The following KTN1 variants were observed in gnomAD, a reference collection of about 807,000 sequenced individuals.
KTN1 encodes the protein kinectin 1.
A neutral mutation model predicts 222.5 loss-of-function variants in KTN1; 130 were observed. The observed-to-expected ratio is 0.58, with a 90% CI of 0.51 to 0.68. KTN1 has a LOEUF of 0.68. KTN1 is among the 30% of genes least tolerant of loss of function. The probability of loss-of-function intolerance (pLI) is 0.00; values close to 1 mark genes in which losing one functional copy is unlikely to be tolerated. For missense variants in KTN1, 1,508 were observed against 1,500.4 expected, an observed-to-expected ratio of 1.01 and a Z score of -0.08; for synonymous variants, 512 against 496.3, an observed-to-expected ratio of 1.03 and a Z score of -0.42.
chr14:55,671,706 T>C (rs752320838), intron 36 of KTN1, 51 bp downstream of exon 36: 2 of 1,539,076 alleles, frequency 1.3e-6, no homozygotes, highest in East Asian at 2.2e-5. Flanking sequence ...AATCATTACC[T>C]TCTTCCTTCA....
At chr14:55,593,215 T>G (rs909965492) in intron 1 of KTN1, among the ~76,000 whole-genome samples, 7 of 152,178 alleles carry the variant, frequency 4.6e-5, no homozygotes, top group African/African-American at 1.7e-4. Flanking sequence ...CTTTAACATG[T>G]TCAAATTTAA....
chr14:55,653,409 T>C lies in KTN1; in HGVS notation c.2764-150T>C. 6.5e-6 allele frequency: 4 copies of C among 611,190 alleles called. No homozygotes were observed. In the South Asian group the frequency reaches 9.7e-5, roughly 15 times the overall value. The allele number at this position is 611,190 out of a possible 1,614,324, so 37.9% of individuals were successfully genotyped here. ...AAAAATTGTTTAATAAAACTCATTC[T>C]GTCCTTGCTTTATAAATGACCCAAT... On this transcript the variant is annotated intron_variant, in intron 27 of 43. Transcript: ENST00000395314.
At chr14:55,611,835 A>G (rs569252224) in intron 1 of KTN1, 184 bp from the exon 2 acceptor site, 10 of 313,758 alleles carry the variant, frequency 3.2e-5, no homozygotes, top group Middle Eastern at 8.4e-4. Context: ...CTTATTTTTC[A>G]TAGTATATAT....
intron 1 of KTN1, among the ~76,000 whole-genome samples, chr14:55,581,064 G>T (rs906344104): frequency 2.6e-5 from 4 of 152,240 alleles, no homozygotes; most frequent in Non-Finnish European, 4.4e-5. Context: ...GTGTCCTAGC[G>T]ATTCGGCCTG....
Position 55,661,555 on chromosome 14 carries a change from C to G in KTN1, c.3033C>G (p.Leu1011=), listed in dbSNP as rs2044145314. ...AAAGAGAGAAAGAAATAAGTGGTCT[C>G]TGGAATGAGTTAGATTCTTTGAAGG... ...ISEREKEISG[L]WNELDSLKDA... The change falls in exon 32 of 44, where the codon CTC becomes CTG. Residue 1011 remains leucine, a synonymous_variant. Coordinates refer to ENST00000395314, the MANE Select transcript of KTN1 (RefSeq NM_001079521.2). The G allele has an allele frequency of 6.2e-7, 1 of 1,603,478 alleles. No individual in the cohort carries two copies. Among genetic ancestry groups the G allele is most frequent in the Non-Finnish European group, 8.5e-7 (1 of 1,170,926 alleles).
chr14:55,598,533 T>G (rs1490520937), intron 1 of KTN1, among the ~76,000 whole-genome samples: 4 of 152,112 alleles, frequency 2.6e-5, no homozygotes, highest in Non-Finnish European at 5.9e-5. Context: ...TCTGGATTAG[T>G]AAATTTCATA....
intron 15 of KTN1, 73 bp downstream of exon 15, chr14:55,640,515 G>A: frequency 9.7e-7 from 1 of 1,035,674 alleles, no homozygotes; most frequent in Non-Finnish European, 1.5e-6. Context: ...TTGATATTGT[G>A]AGCCCCAATT....
intron 1 of KTN1, among the ~76,000 whole-genome samples, chr14:55,602,798 C>G (rs1451346671): frequency 6.6e-6 from 1 of 152,106 alleles, no homozygotes; most frequent in East Asian, 1.9e-4. Context: ...CCAGGATGGT[C>G]TTGAACTCTG....
At chr14:55,615,587 A>G (rs1188034182) in intron 2 of KTN1, among the ~76,000 whole-genome samples, 1 of 152,234 alleles carries the variant, frequency 6.6e-6, no homozygotes, top group African/African-American at 2.4e-5. Context: ...TCAAATAAGG[A>G]GTAATGAGTA....
intron 43 of KTN1, chr14:55,683,022 T>C (rs1420095640): frequency 6.6e-6 from 1 of 152,286 alleles, no homozygotes; most frequent in Admixed American, 6.5e-5. Context: ...CTTTAACAAA[T>C]AGATTCTTAA....
intron 7 of KTN1, among the ~76,000 whole-genome samples, chr14:55,632,596 T>C (rs1433680334): frequency 2.3e-5 from 3 of 131,364 alleles, no homozygotes; most frequent in Non-Finnish European, 5.1e-5. Context: ...AAGAGAGTTA[T>C]GGAGAGATGA....
At chr14:55,640,722 C>T (rs2041701377) in intron 15 of KTN1, among the ~76,000 whole-genome samples, 1 of 151,644 alleles carries the variant, frequency 6.6e-6, no homozygotes, top group Non-Finnish European at 1.5e-5. Context: ...AAGGATATAC[C>T]TTTTTGTTAG....
At chr14:55,593,445 C>A (rs1461559610) in intron 1 of KTN1, among the ~76,000 whole-genome samples, 2 of 139,604 alleles carry the variant, frequency 1.4e-5, no homozygotes, top group African/African-American at 5.3e-5. Context: ...CACCCCCCCC[C>A]CAAAAAAAAA....
intron 7 of KTN1, among the ~76,000 whole-genome samples, chr14:55,632,342 A>G (rs2040622223): frequency 6.6e-6 from 1 of 152,062 alleles, no homozygotes; most frequent in Non-Finnish European, 1.5e-5. Context: ...TGTGAAAAAT[A>G]GAAATGTATA....
intron 25 of KTN1, among the ~76,000 whole-genome samples, chr14:55,652,554 A>G (rs191207271): frequency 1.2e-4 from 18 of 151,994 alleles, no homozygotes; most frequent in African/African-American, 2.2e-4. Context: ...GCGTACCACC[A>G]CGCCCGGCTA....
At chr14:55,636,882 G>GA (rs760906529) in intron 10 of KTN1, among the ~76,000 whole-genome samples, 1 of 151,262 alleles carries the variant, frequency 6.6e-6, no homozygotes, top group African/African-American at 2.4e-5. Context: ...ATTTTGAAGA[G>GA]AAAAACAGAG....
intron 5 of KTN1, among the ~76,000 whole-genome samples, chr14:55,620,431 C>T (rs2038981685): frequency 6.6e-6 from 1 of 152,180 alleles, no homozygotes; most frequent in Admixed American, 6.5e-5. Context: ...TTCCCTTCCT[C>T]ACTACCCTAG....
At chr14:55,613,296 A>G (rs1321686963) in intron 2 of KTN1, among the ~76,000 whole-genome samples, 1 of 152,044 alleles carries the variant, frequency 6.6e-6, no homozygotes. Context: ...AAGTTTGGTT[A>G]AGTACTAGTT....
chr14:55,672,243 T>C (rs892976113), intron 37 of KTN1: 40 of 229,772 alleles, frequency 1.7e-4, no homozygotes, highest in African/African-American at 8.0e-4. Context: ...CTGAATGTTA[T>C]TTTGCAACCT....
Sources: gnomAD v4.1 joint callset for allele counts (sites outside exome capture counted in the v4.1 genomes callset) on GRCh38, gnomAD v4.1.1 for gene constraint, MANE v1.5 for transcripts, NCBI Gene and HGNC (gene_info 2026-07-23, HGNC 2026-07-21) for gene names.